Variants in DIP2B observed in about 807,000 individuals in gnomAD.
DIP2B encodes the protein disco-interacting protein 2 homolog B.
In DIP2B, 76 loss-of-function variants were observed where a neutral mutation model predicts 198.0. That is an observed-to-expected ratio of 0.38 (90% CI 0.32 to 0.46). The LOEUF (loss-of-function observed/expected upper bound fraction) is 0.46. DIP2B is among the 20% of genes least tolerant of loss of function. The pLI is 0.99. For missense variants in DIP2B, 1,559 were observed against 1,978.4 expected, an observed-to-expected ratio of 0.79 and a Z score of 4.02; for synonymous variants, 701 against 739.1, an observed-to-expected ratio of 0.95 and a Z score of 0.84.
At chr12:50,626,537 G>A (rs1937938614) in intron 2 of DIP2B, among the ~76,000 whole-genome samples, 1 of 152,144 alleles carries the variant, frequency 6.6e-6, no homozygotes, top group Non-Finnish European at 1.5e-5. Flanking sequence ...ATATCAGAAA[G>A]TCCTGAATTA....
intron 1 of DIP2B, among the ~76,000 whole-genome samples, chr12:50,610,176 A>T (rs1593654097): frequency 6.6e-6 from 1 of 152,130 alleles, no homozygotes; most frequent in East Asian, 1.9e-4. Context: ...CTAATATCAC[A>T]TTTCCATATG....
rs192650159 is a variant in DIP2B at position 50,575,142 on chromosome 12, A to T, written c.101-50834A>T. On this transcript the variant is annotated intron_variant, in intron 1 of 37. Coordinates refer to ENST00000301180, the MANE Select transcript of DIP2B (RefSeq NM_173602.3). Reference sequence around the variant, plus strand: ...CCTTGGACACAGTTTTAACTCTTTCATATCTTGGTGGTTACCAGATCTCTG... The same window carrying T: ...CCTTGGACACAGTTTTAACTCTTTCTTATCTTGGTGGTTACCAGATCTCTG... Among the ~76,000 whole-genome samples, 5 of 151,432 alleles carry T rather than the reference A, an allele frequency of 3.3e-5. No individual in the cohort carries two copies. In the South Asian group the frequency reaches 6.3e-4, roughly 19 times the overall value.
intron 4 of DIP2B, among the ~76,000 whole-genome samples, chr12:50,662,998 A>C (rs575867585): frequency 1.3e-4 from 20 of 152,200 alleles, no homozygotes; most frequent in African/African-American, 3.9e-4. Context: ...AGTCCCAGCC[A>C]CTCAGGAGGC....
At chr12:50,544,476 T>C (rs989981281) in intron 1 of DIP2B, among the ~76,000 whole-genome samples, 6 of 152,158 alleles carry the variant, frequency 3.9e-5, no homozygotes, top group Middle Eastern at 6.8e-3. Flanking sequence ...CCAGCTAATT[T>C]TTTGTATTTT....
intron 37 of DIP2B, among the ~76,000 whole-genome samples, chr12:50,743,063 G>A (rs1940282010): frequency 2.0e-5 from 3 of 152,110 alleles, no homozygotes; most frequent in Admixed American, 2.0e-4. Context: ...ACCAAATATT[G>A]TGTACATTTT....
At chr12:50,652,459 C>G (rs1938474520) in intron 3 of DIP2B, among the ~76,000 whole-genome samples, 1 of 151,106 alleles carries the variant, frequency 6.6e-6, no homozygotes, top group South Asian at 2.1e-4. Flanking sequence ...ATCACTTGAA[C>G]CAGGAGGCAG....
chr12:50,580,977 G>GT (rs536746916), intron 1 of DIP2B, among the ~76,000 whole-genome samples: 6 of 149,176 alleles, frequency 4.0e-5, no homozygotes, highest in Non-Finnish European at 5.9e-5. Flanking sequence ...CTTTCTTAAT[G>GT]TTTTTTGCTG....
At position 50,704,208 on chromosome 12, in the gene DIP2B, G is replaced by A; in HGVS notation, c.2394G>A (p.Gly798=). 1 of 1,610,762 alleles carries A rather than the reference G, an allele frequency of 6.2e-7. No homozygotes were observed. The highest frequency in any genetic ancestry group is 1.1e-5 in the South Asian group (1 of 90,192). ...CATTCATCCGATCAGGATTGCTGGG[G>A]TTTGTAGGGCCGGTAAGTGATGCTT... The part of the protein sequence containing the change: ...DVPFIRSGLL[G]FVGPGSLVFV... Residue 798 remains glycine, a synonymous_variant, in exon 20 of 38, where the codon GGG becomes GGA. Coordinates refer to ENST00000301180, the MANE Select transcript of DIP2B (RefSeq NM_173602.3).
intron 3 of DIP2B, among the ~76,000 whole-genome samples, chr12:50,641,837 A>G (rs1219840629): frequency 6.6e-6 from 1 of 152,216 alleles, no homozygotes; most frequent in Non-Finnish European, 1.5e-5. Context: ...CACCAAGAGT[A>G]GTCTCTGCAG....
chr12:50,615,336 T>C (rs1430632574), intron 1 of DIP2B, among the ~76,000 whole-genome samples: 1 of 152,100 alleles, frequency 6.6e-6, no homozygotes, highest in East Asian at 1.9e-4. Context: ...CATAATAGCA[T>C]GGTTTATTTA....
chr12:50,563,401 G>C (rs1012331117), intron 1 of DIP2B, among the ~76,000 whole-genome samples: 3 of 151,636 alleles, frequency 2.0e-5, no homozygotes, highest in Admixed American at 1.3e-4. Context: ...TGCCCAGGCT[G>C]GTCTTGAACT....
At chr12:50,659,007 A>T (rs1403967503) in intron 3 of DIP2B, among the ~76,000 whole-genome samples, 1 of 152,168 alleles carries the variant, frequency 6.6e-6, no homozygotes, top group African/African-American at 2.4e-5. Flanking sequence ...AAATGGCTTG[A>T]ACCTGGGAGG....
chr12:50,506,545 G>T (rs779279898), intron 1 of DIP2B, among the ~76,000 whole-genome samples: 2 of 152,062 alleles, frequency 1.3e-5, no homozygotes, highest in Non-Finnish European at 2.9e-5. Flanking sequence ...GTTTTTACCT[G>T]TACTTAACTA....
chr12:50,553,213 C>G (rs980601164), intron 1 of DIP2B, among the ~76,000 whole-genome samples: 3 of 152,206 alleles, frequency 2.0e-5, no homozygotes, highest in African/African-American at 7.2e-5. Flanking sequence ...TTTCCCAGAA[C>G]CATTTGTTGA....
Position 50,734,146 on chromosome 12 carries a change from G to A in DIP2B, c.3993G>A (p.Gly1331=). 1 of 1,614,150 alleles carries A rather than the reference G, an allele frequency of 6.2e-7. No individual in the cohort carries two copies. Among genetic ancestry groups the A allele is most frequent in the South Asian group, 1.1e-5 (1 of 91,078 alleles). Reference sequence around the variant, plus strand: ...TTGTCTTTCTTTAGGGAACCTCAGGGCCTGATCCGACTACTGTGTATGTGG... The same window carrying A: ...TTGTCTTTCTTTAGGGAACCTCAGGACCTGATCCGACTACTGTGTATGTGG... ...NVAICLQGTS[G]PDPTTVYVDL... The change falls in exon 33 of 38, where the codon GGG becomes GGA. Residue 1331 remains glycine (G), a synonymous_variant. Transcript: ENST00000301180.
intron 25 of DIP2B, 126 bp from the exon 26 acceptor site, chr12:50,721,147 T>A: frequency 1.4e-6 from 2 of 1,386,304 alleles, no homozygotes; most frequent in Non-Finnish European, 1.9e-6. Context: ...TCACTAGAAT[T>A]GATAACTTGC....
intron 1 of DIP2B, among the ~76,000 whole-genome samples, chr12:50,607,468 A>C (rs1307663851): frequency 6.6e-6 from 1 of 152,152 alleles, no homozygotes; most frequent in Non-Finnish European, 1.5e-5. Context: ...CTCATTACTT[A>C]TTTTTTATCA....
intron 2 of DIP2B, among the ~76,000 whole-genome samples, chr12:50,631,781 C>T (rs943274131): frequency 4.6e-5 from 7 of 152,084 alleles, no homozygotes; most frequent in East Asian, 1.9e-4. Context: ...AATACTTTAG[C>T]GAGGGTCTGT....
chr12:50,647,975 G>A (rs961666446), intron 3 of DIP2B, among the ~76,000 whole-genome samples: 46 of 152,202 alleles, frequency 3.0e-4, no homozygotes, highest in African/African-American at 1.0e-3. Context: ...GCGTGGTGGC[G>A]TGCGCCTGTA....
Sources: allele counts gnomAD v4.1 joint callset (sites outside exome capture counted in the v4.1 genomes callset), GRCh38; gene constraint gnomAD v4.1.1; transcripts MANE v1.5; gene names NCBI Gene and HGNC (gene_info 2026-07-23, HGNC 2026-07-21).